PTPRG: variants seen among roughly 807,000 people sequenced by gnomAD.
The protein encoded by PTPRG is receptor-type tyrosine-protein phosphatase gamma.
A neutral mutation model predicts 165.3 loss-of-function variants in PTPRG; 102 were observed. The ratio of observed to expected loss-of-function variants is 0.62; its 90% CI spans 0.53 to 0.73. The LOEUF is 0.73. PTPRG is among the 30% of genes least tolerant of loss of function. The pLI, the probability that PTPRG is intolerant of heterozygous loss-of-function variation, is 0.00. For missense variants in PTPRG, 1,866 were observed against 1,861.4 expected (o/e 1.00, Z -0.05); for synonymous variants, 675 against 669.5 (o/e 1.01, Z -0.13).
intron 2 of PTPRG, among the ~76,000 whole-genome samples, chr3:61,795,623 G>GGGTGACAC (rs1315327806): frequency 9.6e-6 from 1 of 104,056 alleles, no homozygotes; most frequent in Non-Finnish European, 1.7e-5. Flanking sequence ...CTGGGTGACA[G>GGGTGACAC]AGCAAGACTC....
intron 4 of PTPRG, among the ~76,000 whole-genome samples, chr3:62,007,181 G>C (rs1053488175): frequency 3.3e-5 from 5 of 152,122 alleles, no homozygotes; most frequent in Non-Finnish European, 5.9e-5. Context: ...GCTCCCTGAG[G>C]GTAAATGGCA....
chr3:61,757,445 G>C (rs1288441443), intron 2 of PTPRG, among the ~76,000 whole-genome samples: 2 of 151,994 alleles, frequency 1.3e-5, no homozygotes, highest in African/African-American at 4.8e-5. Flanking sequence ...AAACCTAAAA[G>C]GGAAGCCAGA....
intron 3 of PTPRG, among the ~76,000 whole-genome samples, chr3:61,995,803 C>T (rs2041028403): frequency 1.3e-5 from 2 of 149,676 alleles, no homozygotes; most frequent in Admixed American, 6.7e-5. Flanking sequence ...TGGAGTCTCA[C>T]TCTGTCTCCA....
At chr3:61,598,342 A>AG (rs1700756800) in intron 1 of PTPRG, among the ~76,000 whole-genome samples, 2 of 152,180 alleles carry the variant, frequency 1.3e-5, no homozygotes, top group South Asian at 4.1e-4. Flanking sequence ...AAAATTGAGA[A>AG]GAACGGCTTT....
chr3:61,907,358 G>C (rs1307173644), intron 2 of PTPRG, among the ~76,000 whole-genome samples: 2 of 152,136 alleles, frequency 1.3e-5, no homozygotes, highest in African/African-American at 4.8e-5. Flanking sequence ...GATCAAGGAA[G>C]ACATCACTAG....
intron 2 of PTPRG, among the ~76,000 whole-genome samples, chr3:61,912,525 A>G (rs2038827557): frequency 6.6e-6 from 1 of 152,192 alleles, no homozygotes; most frequent in Admixed American, 6.5e-5. Flanking sequence ...GAAAAAGTAA[A>G]GAAAAAAAAT....
chr3:62,142,270 G>A (rs56742191), intron 6 of PTPRG, among the ~76,000 whole-genome samples: 19,551 of 151,864 alleles, frequency 0.13, 1,489 homozygotes, highest in East Asian at 0.37. Context: ...GTTTATATGT[G>A]GGTGGTAAAA....
At chr3:62,014,552 C>G (rs746048822) in intron 4 of PTPRG, among the ~76,000 whole-genome samples, 8 of 152,110 alleles carry the variant, frequency 5.3e-5, no homozygotes, top group Non-Finnish European at 1.2e-4. Context: ...CTATTAAAAC[C>G]TTCACTCTGT....
intron 1 of PTPRG, among the ~76,000 whole-genome samples, chr3:61,598,727 T>G (rs1700764961): frequency 6.6e-6 from 1 of 152,174 alleles, no homozygotes; most frequent in Non-Finnish European, 1.5e-5. Flanking sequence ...TTCATAGTTT[T>G]GGAGGGCAGA....
At chr3:61,862,944 A>T (rs191482086) in intron 2 of PTPRG, among the ~76,000 whole-genome samples, 1 of 150,092 alleles carries the variant, frequency 6.7e-6, no homozygotes, top group Admixed American at 6.6e-5. Context: ...TGCCTCAAGT[A>T]TAAAAGCAAA....
intron 13 of PTPRG, among the ~76,000 whole-genome samples, chr3:62,227,028 G>A (rs572719843): frequency 6.6e-6 from 1 of 152,132 alleles, no homozygotes; most frequent in East Asian, 1.9e-4. Flanking sequence ...GATGCAAACC[G>A]CAAATGTGTG....
chr3:61,926,792 G>A (rs895018013), intron 2 of PTPRG, among the ~76,000 whole-genome samples: 5 of 151,908 alleles, frequency 3.3e-5, no homozygotes, highest in Non-Finnish European at 7.4e-5. Flanking sequence ...GGTGTTTAGT[G>A]TTCATAGTGG....
intron 2 of PTPRG, among the ~76,000 whole-genome samples, chr3:61,846,669 A>C (rs181978961): frequency 1.2e-4 from 18 of 152,264 alleles, no homozygotes; most frequent in South Asian, 8.3e-4. Flanking sequence ...TAATCCCAGC[A>C]CTTGGGAGGT....
In PTPRG at chr3:61,690,241, T is replaced by G. The variant is rs560114936; in HGVS notation, c.86-58637T>G. The stretch of plus-strand genomic sequence containing the variant: ...GTTTGTCACTATCACTTCTTGGAAA[T>G]GCAGAGGCCTCCTGGTTCTTCAAGG... On this transcript the variant is annotated intron_variant, in intron 1 of 29. Coordinates refer to ENST00000474889, the MANE Select transcript of PTPRG (RefSeq NM_002841.4). 1.1e-3 allele frequency among the ~76,000 whole-genome samples: 171 copies of G among 152,292 alleles called. 1 individual carries two copies. The highest frequency in any genetic ancestry group is 3.8e-3 in the African/African-American group (157 of 41,554).
chr3:61,833,001 C>T (rs1398811384), intron 2 of PTPRG, among the ~76,000 whole-genome samples: 1 of 151,934 alleles, frequency 6.6e-6, no homozygotes, highest in Non-Finnish European at 1.5e-5. Context: ...ATAATAGTAT[C>T]CCATTCCATC....
At chr3:61,922,129 GA>G (rs1366330786) in intron 2 of PTPRG, among the ~76,000 whole-genome samples, 1 of 152,190 alleles carries the variant, frequency 6.6e-6, no homozygotes, top group Non-Finnish European at 1.5e-5. Context: ...AAGTGAATGT[GA>G]TCTGCCCTGA....
intron 2 of PTPRG, among the ~76,000 whole-genome samples, chr3:61,910,808 C>T (rs2038783423): frequency 6.6e-6 from 1 of 152,174 alleles, no homozygotes; most frequent in Non-Finnish European, 1.5e-5. Flanking sequence ...CTGAGCAAGC[C>T]CCAGACGGTC....
At chr3:61,601,626 A>G (rs891549289) in intron 1 of PTPRG, among the ~76,000 whole-genome samples, 7 of 152,192 alleles carry the variant, frequency 4.6e-5, no homozygotes, top group Non-Finnish European at 8.8e-5. Flanking sequence ...TCCATCTCAT[A>G]TTTATTGAGT....
rs1448892797 is a variant in PTPRG, at chr3:62,273,316, A to C, written c.3318+235A>C. Among the ~76,000 whole-genome samples, 1 of 152,198 alleles carries C rather than the reference A, an allele frequency of 6.6e-6. No individual in the cohort carries two copies. The highest frequency in any genetic ancestry group is 1.5e-5 in the Non-Finnish European group (1 of 68,026). ...ACACAAGTACTTACGAAAGAGATAC[A>C]GTTGTTTCAAGAGCTGTGTTAGATG... On this transcript the variant is annotated intron_variant, in intron 22 of 29. Coordinates refer to ENST00000474889, the MANE Select transcript of PTPRG (RefSeq NM_002841.4). This position sits in a 1 kb window ranked among gnomAD's most constrained non-coding sequence, Gnocchi z 4.1.
Sources: gnomAD v4.1 joint callset for allele counts (sites outside exome capture counted in the v4.1 genomes callset) on GRCh38, gnomAD v4.1.1 for gene constraint, Gnocchi (gnomAD v3.1) non-coding constraint, MANE v1.5 for transcripts, NCBI Gene and HGNC (gene_info 2026-07-23, HGNC 2026-07-21) for gene names.